The following RANBP17 variants were observed in gnomAD, a reference collection of about 807,000 sequenced individuals.
The protein encoded by RANBP17 is ran-binding protein 17.
In RANBP17, 158 loss-of-function variants were observed where a neutral mutation model predicts 141.2. The observed-to-expected ratio is 1.12, with a 90% CI of 0.98 to 1.28. RANBP17 has a LOEUF of 1.28. Among genes scored for constraint, RANBP17 ranks in the 50% most tolerant of loss-of-function variants. The pLI is 0.00. For synonymous variants in RANBP17, 430 were observed against 450.0 expected, an observed-to-expected ratio of 0.96 and a Z score of 0.56; for missense variants, 1,438 against 1,290.7, an observed-to-expected ratio of 1.11 and a Z score of -1.75.
chr5:170,952,948 G>C (rs1231863869), intron 12 of RANBP17, among the ~76,000 whole-genome samples: 1 of 152,146 alleles, frequency 6.6e-6, no homozygotes, highest in African/African-American at 2.4e-5. Flanking sequence ...TATGAAAACT[G>C]TAGATGTTGC....
rs1761000416 is a variant in RANBP17 at position 171,183,358 on chromosome 5, C to G, written c.1966C>G (p.His656Asp). The change falls in exon 18 of 28, where the codon CAT becomes GAT. Residue 656 changes from histidine to aspartate, a missense_variant. His to Asp is a moderately conservative substitution (Grantham distance 81). Coordinates refer to ENST00000523189, the MANE Select transcript of RANBP17 (RefSeq NM_022897.5). The part of the protein sequence containing the change: ...HFPFLGISDN[H>D]SLSDFRCRTT... ...CCCTTTTCTTGGCATCAGTGACAAT[C>G]ATAGTCTCAGCGACTTCAGGTGTCG... The G allele has an allele frequency of 6.2e-7, 1 of 1,613,984 alleles. No individual in the cohort carries two copies. Among genetic ancestry groups the G allele is most frequent in the Non-Finnish European group, 8.5e-7 (1 of 1,179,876 alleles).
At chr5:171,242,371 G>A (rs779880242) in intron 23 of RANBP17, among the ~76,000 whole-genome samples, 2 of 152,142 alleles carry the variant, frequency 1.3e-5, no homozygotes, top group Non-Finnish European at 2.9e-5. Context: ...GTTTCCTAGC[G>A]ACTGTTAAGC....
At chr5:171,251,889 G>T (rs1209741708) in intron 24 of RANBP17, 1 of 1,525,012 alleles carries the variant, frequency 6.6e-7, no homozygotes, top group Non-Finnish European at 9.1e-7. Context: ...TAGAGAAGGA[G>T]ATTGGTCCAG....
At chr5:171,271,588 T>A (rs1443947920) in intron 25 of RANBP17, 2 of 209,596 alleles carry the variant, frequency 9.5e-6, no homozygotes, top group African/African-American at 4.5e-5. Flanking sequence ...TTTCCAGTGA[T>A]CCTTAAATAA....
rs549587490 is a variant in RANBP17 at position 170,896,393 on chromosome 5, T to C, written c.489+278T>C. On this transcript the variant is annotated intron_variant, in intron 5 of 27. Transcript: ENST00000523189. ...CATGGGCACTTGGAGAATTGTTCTT[T>C]TACCTCATATATGTCATAATATGCT... Among the ~76,000 whole-genome samples the C allele has an allele frequency of 1.8e-3, 273 of 152,332 alleles. 1 individual carries two copies. The highest frequency in any genetic ancestry group is 6.1e-3 in the African/African-American group (254 of 41,566).
chr5:170,911,325 T>G (rs1771508614), intron 7 of RANBP17, 191 bp downstream of exon 7: 1 of 598,220 alleles, frequency 1.7e-6, no homozygotes, highest in African/African-American at 1.9e-5. Flanking sequence ...AACTTCTATA[T>G]TTTGATTTAG....
chr5:171,152,075 G>T (rs1403681053), intron 14 of RANBP17, among the ~76,000 whole-genome samples: 2 of 151,966 alleles, frequency 1.3e-5, no homozygotes, highest in Non-Finnish European at 2.9e-5. Flanking sequence ...ATGAAACTCA[G>T]AATATCGAGG....
At position 171,120,344 on chromosome 5, in the gene RANBP17, G is replaced by C. The variant is rs996452063; in HGVS notation, c.1711-49786G>C. Among the ~76,000 whole-genome samples the C allele has an allele frequency of 5.9e-5, 9 of 152,192 alleles. No individual in the cohort carries two copies. In the East Asian group the frequency reaches 1.7e-3, roughly 29 times the overall value. ...TTCCCTGCACATGTCCAGAGATGCT[G>C]TCTGGGAGCCAGGAATTGGAGTAAA... On this transcript the variant is annotated intron_variant, in intron 14 of 27. Transcript: ENST00000523189.
intron 14 of RANBP17, among the ~76,000 whole-genome samples, chr5:171,071,514 C>T (rs1784630997): frequency 6.6e-6 from 1 of 151,858 alleles, no homozygotes; most frequent in Admixed American, 6.6e-5. Context: ...ACATATAATT[C>T]AGTGAGACAG....
rs13182278 is a variant in RANBP17 at position 171,278,655 on chromosome 5, C to T, written c.2943+12808C>T. 4.8e-3 allele frequency among the ~76,000 whole-genome samples: 724 copies of T among 152,300 alleles called. 14 individuals are homozygous for T. In the South Asian group the frequency reaches 0.048, roughly 10 times the overall value. On this transcript the variant is annotated intron_variant, in intron 25 of 27. Transcript: ENST00000523189. The stretch of plus-strand genomic sequence containing the variant: ...AAAAAGAAGCAGACATGCCGAGGAT[C>T]TCAAATGAGAGGCCAAGCAGCCCCA...
chr5:171,079,296 TAAAC>T (rs1012577580), intron 14 of RANBP17, among the ~76,000 whole-genome samples: 7 of 152,160 alleles, frequency 4.6e-5, no homozygotes, highest in African/African-American at 1.7e-4. Flanking sequence ...TTCTTATGAA[TAAAC>T]AAATAAAATG....
chr5:171,295,832 T>C (rs761013890), intron 26 of RANBP17, 55 bp from the exon 27 acceptor site: 575 of 1,589,888 alleles, frequency 3.6e-4, no homozygotes, highest in Non-Finnish European at 4.6e-4. Context: ...CCCTGCCAGC[T>C]GTCTTCAGGC....
intron 12 of RANBP17, among the ~76,000 whole-genome samples, chr5:170,943,074 G>A (rs996420890): frequency 5.3e-5 from 8 of 152,132 alleles, no homozygotes; most frequent in African/African-American, 1.9e-4. Flanking sequence ...CAAAAGGTCA[G>A]TGGGAAAGAA....
At chr5:170,900,329 GT>G in intron 5 of RANBP17, among the ~76,000 whole-genome samples, 1 of 152,246 alleles carries the variant, frequency 6.6e-6, no homozygotes, top group East Asian at 1.9e-4. Context: ...TCTGATGGTA[GT>G]TTGTATTTCC....
Position 171,021,587 on chromosome 5 carries a change from C to T in RANBP17, c.1710+53210C>T, listed in dbSNP as rs188984965. 5.3e-5 allele frequency among the ~76,000 whole-genome samples: 8 copies of T among 152,262 alleles called. No individual in the cohort carries two copies. The East Asian group carries it at 1.4e-3, about 26-fold the overall frequency. On this transcript the variant is annotated intron_variant, in intron 14 of 27. Transcript: ENST00000523189. ...TCAGCTATTGATTGTATATGCTTCA[C>T]GAAGTTCTCCTGCTGTGTTATTCAG...
intron 12 of RANBP17, among the ~76,000 whole-genome samples, chr5:170,943,422 G>C (rs768881261): frequency 3.9e-5 from 6 of 152,112 alleles, no homozygotes; most frequent in Non-Finnish European, 8.8e-5. Flanking sequence ...ATTAACAGTA[G>C]TTAACGTTTA....
chr5:171,007,361 G>A (rs1779717205), intron 14 of RANBP17, among the ~76,000 whole-genome samples: 3 of 77,766 alleles, frequency 3.9e-5, no homozygotes, highest in Admixed American at 3.8e-4. Flanking sequence ...GACCAGGTGT[G>A]GAGAGGGAGG....
intron 20 of RANBP17, among the ~76,000 whole-genome samples, chr5:171,209,213 C>T (rs17073409): frequency 0.011 from 1,658 of 152,118 alleles, 29 homozygotes; most frequent in African/African-American, 0.037. Flanking sequence ...TACAGGTTTT[C>T]GGTTGGCCTA....
chr5:171,197,493 T>A (rs368681062), intron 18 of RANBP17, among the ~76,000 whole-genome samples: 2 of 152,218 alleles, frequency 1.3e-5, no homozygotes, highest in Admixed American at 6.5e-5. Context: ...TGCCGAGCCC[T>A]ACATAATTCT....
Sources: allele counts gnomAD v4.1 joint callset (sites outside exome capture counted in the v4.1 genomes callset), GRCh38; gene constraint gnomAD v4.1.1; transcripts MANE v1.5; gene names NCBI Gene and HGNC (gene_info 2026-07-23, HGNC 2026-07-21).